Variants in ARFRP1 observed in about 807,000 individuals in gnomAD.
ARFRP1 encodes the protein ADP-ribosylation factor-related protein 1.
ARFRP1 carries 19 observed loss-of-function variants against 30.3 expected under a neutral mutation model. The observed-to-expected ratio is 0.63, with a 90% CI of 0.44 to 0.92. The LOEUF (loss-of-function observed/expected upper bound fraction) is 0.92, where lower values mean the gene tolerates loss of function less well. Ranked by LOEUF, ARFRP1 falls within the 40% of genes least tolerant of loss-of-function variation. ARFRP1 has a pLI of 0.00. For missense variants in ARFRP1, 245 were observed against 267.5 expected (o/e 0.92, Z 0.59); for synonymous variants, 133 against 114.2 (o/e 1.16, Z -1.05).
At position 63,700,634 on chromosome 20, in the gene ARFRP1, A is replaced by G. The variant is rs748541223; in HGVS notation, c.486T>C (p.Asp162=). Residue 162 remains aspartate, a synonymous_variant, in exon 7 of 8, where the codon GAT becomes GAC. Coordinates refer to ENST00000622789, the MANE Select transcript of ARFRP1 (RefSeq NM_001267547.3). ...GGGCCGAGCAGGCCTGGGTCAGGCAATCTCGCCTGCCGATCTTGCTGGTGC... is the reference window on the plus strand; with the variant it reads ...GGGCCGAGCAGGCCTGGGTCAGGCAGTCTCGCCTGCCGATCTTGCTGGTGC... The part of the protein sequence containing the change: ...SDCTSKIGRR[D]CLTQACSALT... The G allele has an allele frequency of 5.6e-6, 9 of 1,610,658 alleles. No individual in the cohort carries two copies. The Admixed American group carries it at 8.3e-5, about 15-fold the overall frequency.
intron 6 of ARFRP1, 198 bp downstream of exon 6, chr20:63,701,632 C>T (rs1200584838): frequency 1.7e-6 from 1 of 605,854 alleles, no homozygotes; most frequent in African/African-American, 1.9e-5. Context: ...GGTGGGAGAA[C>T]CTCCAGGGCT....
At chr20:63,701,971 G>A (rs1444558247) in intron 5 of ARFRP1, 71 bp from the exon 6 acceptor site, 16 of 1,442,522 alleles carry the variant, frequency 1.1e-5, no homozygotes, top group African/African-American at 5.7e-5. Flanking sequence ...GCCCACAGGC[G>A]TGGACACTGT....
chr20:63,704,672 G>A (rs988075691), intron 4 of ARFRP1: 3 of 152,270 alleles, frequency 2.0e-5, no homozygotes, highest in Non-Finnish European at 4.4e-5. Flanking sequence ...CAGGACCTTG[G>A]AGGAACCCCT....
intron 2 of ARFRP1, 89 bp downstream of exon 2, chr20:63,706,910 T>C (rs1432011119): frequency 3.3e-6 from 5 of 1,503,032 alleles, no homozygotes; most frequent in Admixed American, 1.7e-5. Context: ...GGCTTCCGTC[T>C]GGGTAGTGAA....
At chr20:63,707,596 G>T (rs1164233760) in intron 1 of ARFRP1, 3 of 155,476 alleles carry the variant, frequency 1.9e-5, no homozygotes, top group African/African-American at 7.2e-5. Context: ...TTAAAACGGG[G>T]ACGGCCCTGG....
At chr20:63,701,614 T>C in intron 6 of ARFRP1, 1 of 596,918 alleles carries the variant, frequency 1.7e-6, no homozygotes, top group Admixed American at 2.9e-5. Context: ...TCTGGGCGCC[T>C]GCCCTGAGGT....
chr20:63,700,782 G>A (rs549883479), intron 6 of ARFRP1, 80 bp from the exon 7 acceptor site: 44 of 1,526,556 alleles, frequency 2.9e-5, no homozygotes, highest in African/African-American at 1.9e-4. Flanking sequence ...TCAGAAGGGC[G>A]TATGCCCTTC....
chr20:63,701,587 C>T (rs1401626213), intron 6 of ARFRP1: 2 of 593,048 alleles, frequency 3.4e-6, no homozygotes, highest in Non-Finnish European at 6.0e-6. Flanking sequence ...AGGTGCCCTG[C>T]ATAGCAGGAA....
chr20:63,707,206 G>C, intron 1 of ARFRP1, 109 bp from the exon 2 acceptor site: 1 of 900,940 alleles, frequency 1.1e-6, no homozygotes. Context: ...CTCAGGACGA[G>C]AGCCTGGGGG....
rs992335081 is a variant in ARFRP1, at chr20:63,706,906, C to T, written c.93+93G>A. 22 of 1,485,812 alleles carry T rather than the reference C, an allele frequency of 1.5e-5. No homozygotes were observed. In the African/African-American group the frequency reaches 1.7e-4, roughly 11 times the overall value. 92.0% of individuals were successfully genotyped at this position (1,485,812 alleles called of 1,614,324 possible). A position where few individuals can be genotyped will look rare whatever the true frequency, so the allele number is the denominator to read the frequency against. On this transcript the variant is annotated intron_variant, in intron 2 of 7. Coordinates refer to ENST00000622789, the MANE Select transcript of ARFRP1 (RefSeq NM_001267547.3). ...GCCGTCTCAGGTGAAATTTGGCTTC[C>T]GTCTGGGTAGTGAACGTGCAGCTGA... is the stretch of plus-strand genomic sequence containing the variant.
At chr20:63,701,089 G>C in intron 6 of ARFRP1, 1 of 402,114 alleles carries the variant, frequency 2.5e-6, no homozygotes, top group South Asian at 1.9e-5. Flanking sequence ...GATGGAGGCA[G>C]TCTGCAGTCA....
intron 6 of ARFRP1, chr20:63,701,167 G>A (rs371711021): frequency 1.3e-4 from 64 of 488,952 alleles, no homozygotes; most frequent in African/African-American, 9.1e-4. Flanking sequence ...CTTTTCCTCC[G>A]AGGGGAGACC....
intron 2 of ARFRP1, 115 bp downstream of exon 2, chr20:63,706,884 G>A (rs1033349580): frequency 1.5e-5 from 20 of 1,322,780 alleles, no homozygotes; most frequent in Admixed American, 1.8e-5. Flanking sequence ...CTATCCTGCC[G>A]TCTCAGGTGA....
intron 5 of ARFRP1, 98 bp from the exon 6 acceptor site, chr20:63,701,998 G>GTCCCCC: frequency 5.1e-6 from 3 of 583,916 alleles, no homozygotes; most frequent in South Asian, 2.1e-5. Context: ...CACTCCCTCT[G>GTCCCCC]CCCCCCCCCC....
chr20:63,702,294 C>T lies in ARFRP1; in HGVS notation c.265-77G>A, dbSNP rs2091255246. The T allele has an allele frequency of 4.3e-6, 6 of 1,379,322 alleles. No individual in the cohort carries two copies. The East Asian group carries it at 9.3e-5, about 21-fold the overall frequency. 85.4% of individuals were successfully genotyped at this position (1,379,322 alleles called of 1,614,324 possible). ...AGCAGAGCCAGGCCTGTGTCATGGC[C>T]ACAGTGAGGGGCTCACATGAGGAAG... On this transcript the variant is annotated intron_variant, in intron 4 of 7. Transcript: ENST00000622789.
chr20:63,701,304 C>T (rs754340467), intron 6 of ARFRP1: 11 of 530,936 alleles, frequency 2.1e-5, no homozygotes, highest in Non-Finnish European at 3.9e-5. Flanking sequence ...CTCTGGACGC[C>T]GGGCTGCTTC....
Position 63,702,172 on chromosome 20 carries a change from C to T in ARFRP1, c.310G>A (p.Asp104Asn), listed in dbSNP as rs757194000. 2.0e-5 allele frequency: 32 copies of T among 1,611,974 alleles called. No individual in the cohort carries two copies. The highest frequency in any genetic ancestry group is 1.6e-4 in the Middle Eastern group (1 of 6,082). Reference protein sequence around the residue: ...HGVIYVIDSTDEERLAESKQA... With the variant: ...HGVIYVIDSTNEERLAESKQA... ...TTGGACTCAGCCAGCCTCTCCTCGT[C>T]GGTGGAGTCAATGACGTAGATGACG... Residue 104 changes from aspartate to asparagine, a missense_variant, in exon 5 of 8, where the codon GAC becomes AAC. Physicochemically the swap from Asp to Asn is conservative, Grantham distance 23. Transcript: ENST00000622789.
chr20:63,706,117 C>A, intron 4 of ARFRP1: 1 of 480,026 alleles, frequency 2.1e-6, no homozygotes, highest in African/African-American at 2.0e-5. Context: ...TCTCCACTGG[C>A]CCCATCGCAG....
At chr20:63,706,471 G>A (rs764328829) in intron 3 of ARFRP1, 32 bp from the exon 4 acceptor site, 1 of 1,605,300 alleles carries the variant, frequency 6.2e-7, no homozygotes, top group Non-Finnish European at 8.5e-7. Context: ...CAAGGCTCAT[G>A]ACCTTGGTCC....
Sources: allele counts gnomAD v4.1 joint callset, GRCh38; gene constraint gnomAD v4.1.1; transcripts MANE v1.5; gene names NCBI Gene and HGNC (gene_info 2026-07-23, HGNC 2026-07-21).